Variants in ODAD2 observed in about 807,000 individuals in gnomAD.
ODAD2 encodes outer dynein arm docking complex subunit 2, also known as outer dynein arm-docking complex subunit 2.
A neutral mutation model predicts 106.8 loss-of-function variants in ODAD2; 89 were observed. The ratio of observed to expected loss-of-function variants is 0.83; its 90% CI spans 0.70 to 0.99. The LOEUF (loss-of-function observed/expected upper bound fraction) is 0.99. ODAD2 is among the 50% of genes least tolerant of loss of function. ODAD2 has a pLI of 0.00. For missense variants in ODAD2, 1,168 were observed against 1,238.5 expected, an observed-to-expected ratio of 0.94 and a Z score of 0.85; for synonymous variants, 404 against 436.2, an observed-to-expected ratio of 0.93 and a Z score of 0.92.
intron 10 of ODAD2, among the ~76,000 whole-genome samples, chr10:27,950,313 G>T (rs1447218869): frequency 7.2e-5 from 11 of 152,188 alleles, no homozygotes. Context: ...AGTGCTCACA[G>T]TGAGTGGTGT....
intron 17 of ODAD2, among the ~76,000 whole-genome samples, chr10:27,871,608 A>G (rs1044739381): frequency 4.6e-5 from 7 of 152,214 alleles, no homozygotes; most frequent in African/African-American, 1.7e-4. Flanking sequence ...TTTATTAAAT[A>G]GGGAATCCTT....
chr10:27,815,527 G>A (rs1442766660), intron 19 of ODAD2, among the ~76,000 whole-genome samples: 1 of 152,152 alleles, frequency 6.6e-6, no homozygotes, highest in Admixed American at 6.5e-5. Context: ...GCTAAGAGTA[G>A]TGGACACTTA....
chr10:27,921,024 C>A (rs1844740875), intron 16 of ODAD2, among the ~76,000 whole-genome samples: 1 of 152,036 alleles, frequency 6.6e-6, no homozygotes, highest in Admixed American at 6.6e-5. Context: ...ACAATCAGTC[C>A]AACAAATGTT....
At chr10:27,846,965 T>G (rs1452517532) in intron 19 of ODAD2, among the ~76,000 whole-genome samples, 2 of 152,194 alleles carry the variant, frequency 1.3e-5, no homozygotes, top group African/African-American at 2.4e-5. Flanking sequence ...CAGGATCAGA[T>G]GGATTCACAG....
intron 17 of ODAD2, among the ~76,000 whole-genome samples, chr10:27,868,466 T>C (rs552664643): frequency 6.6e-6 from 1 of 152,312 alleles, no homozygotes; most frequent in South Asian, 2.1e-4. Context: ...AAAGAAAATA[T>C]GGTAGATATA....
intron 19 of ODAD2, among the ~76,000 whole-genome samples, chr10:27,846,276 A>G (rs1250535441): frequency 2.0e-5 from 3 of 152,040 alleles, no homozygotes; most frequent in Non-Finnish European, 4.4e-5. Flanking sequence ...AACTCACTCA[A>G]AACCGCTCAA....
intron 2 of ODAD2, among the ~76,000 whole-genome samples, chr10:27,989,841 C>T (rs949964306): frequency 6.6e-6 from 1 of 151,956 alleles, no homozygotes; most frequent in Non-Finnish European, 1.5e-5. Flanking sequence ...AGAGTGAGAC[C>T]CCCTCTCAAA....
Position 27,896,374 on chromosome 10 carries a change from C to T in ODAD2, c.2610+11289G>A, listed in dbSNP as rs145324848. On this transcript the variant is annotated intron_variant, in intron 17 of 19. Transcript: ENST00000305242. ...GTATTAATTAGGATCCCTTTGATAA[C>T]TTTCTCACTTCTGGATTGAAATTCA... 2.8e-3 allele frequency among the ~76,000 whole-genome samples: 419 copies of T among 152,304 alleles called. 3 individuals are homozygous for T. The highest frequency in any genetic ancestry group is 9.5e-3 in the African/African-American group (396 of 41,574).
chr10:27,943,514 C>T (rs1308553249), intron 12 of ODAD2, among the ~76,000 whole-genome samples: 3 of 151,810 alleles, frequency 2.0e-5, no homozygotes, highest in Non-Finnish European at 4.4e-5. Flanking sequence ...AGGCTGGGTG[C>T]GTTGGCTCAC....
chr10:27,864,579 T>TGAGGTGAGAGC (rs1840303747), intron 17 of ODAD2, among the ~76,000 whole-genome samples: 4 of 109,926 alleles, frequency 3.6e-5, no homozygotes, highest in Non-Finnish European at 2.0e-5. Flanking sequence ...GAGGTGAGAA[T>TGAGGTGAGAGC]GGGGAGTGAG....
chr10:27,874,595 A>G (rs1841175952), intron 17 of ODAD2, among the ~76,000 whole-genome samples: 4 of 152,230 alleles, frequency 2.6e-5, no homozygotes, highest in Non-Finnish European at 4.4e-5. Context: ...AAAGGATTTT[A>G]TTTCTCCTTC....
At position 27,812,640 on chromosome 10, in the gene ODAD2, G is replaced by A. The variant is rs1835831500; in HGVS notation, c.3022-15C>T. The stretch of plus-strand genomic sequence containing the variant: ...TCCAGTAGAAGCTGTCACACATAAG[G>A]AGGAGAAGAAGGGACACAAGAATAA... On this transcript the variant is annotated splice_polypyrimidine_tract_variant and intron_variant, in intron 19 of 19. Transcript: ENST00000305242. 1.3e-6 allele frequency: 2 copies of A among 1,565,946 alleles called. No homozygotes were observed. Among genetic ancestry groups the A allele is most frequent in the Non-Finnish European group, 8.6e-7 (1 of 1,164,790 alleles).
chr10:27,866,910 G>A (rs555159289), intron 17 of ODAD2, among the ~76,000 whole-genome samples: 7 of 151,974 alleles, frequency 4.6e-5, no homozygotes, highest in Admixed American at 3.9e-4. Context: ...GAAAATATCC[G>A]AACTATCTCA....
intron 19 of ODAD2, among the ~76,000 whole-genome samples, chr10:27,855,395 T>C (rs1488232812): frequency 6.6e-6 from 1 of 152,140 alleles, no homozygotes; most frequent in Non-Finnish European, 1.5e-5. Context: ...GTAGTATATA[T>C]TCATCGATAC....
intron 19 of ODAD2, among the ~76,000 whole-genome samples, chr10:27,816,782 T>A (rs1836166600): frequency 6.6e-6 from 1 of 152,182 alleles, no homozygotes; most frequent in Non-Finnish European, 1.5e-5. Context: ...CAAGTCTCGC[T>A]CTTTTGCCCA....
chr10:27,938,006 C>G (rs1846113129), intron 14 of ODAD2, among the ~76,000 whole-genome samples: 1 of 152,046 alleles, frequency 6.6e-6, no homozygotes, highest in South Asian at 2.1e-4. Flanking sequence ...TACAGTGGCA[C>G]AATCTCAGAT....
chr10:27,910,287 T>C (rs1205069862), intron 16 of ODAD2, among the ~76,000 whole-genome samples: 1 of 152,162 alleles, frequency 6.6e-6, no homozygotes, highest in Non-Finnish European at 1.5e-5. Context: ...TGTTAAACGA[T>C]TCTCAACCCA....
At chr10:27,831,806 G>A (rs1252879544) in intron 19 of ODAD2, among the ~76,000 whole-genome samples, 2 of 152,218 alleles carry the variant, frequency 1.3e-5, no homozygotes, top group African/African-American at 4.8e-5. Context: ...CTTTATGTTT[G>A]CAGTTGTTCT....
intron 16 of ODAD2, among the ~76,000 whole-genome samples, chr10:27,910,900 C>T (rs1432040435): frequency 6.6e-6 from 1 of 152,078 alleles, no homozygotes; most frequent in African/African-American, 2.4e-5. Context: ...AAGTGGGTTC[C>T]CGTGAGCCTC....
Sources: allele counts gnomAD v4.1 joint callset (sites outside exome capture counted in the v4.1 genomes callset), GRCh38; gene constraint gnomAD v4.1.1; transcripts MANE v1.5; gene names NCBI Gene and HGNC (gene_info 2026-07-23, HGNC 2026-07-21).